Variants in DNAH8 observed in about 807,000 individuals in gnomAD.
DNAH8 encodes the protein axonemal beta dynein heavy chain 8.
DNAH8 carries 382 observed loss-of-function variants against 562.1 expected under a neutral mutation model. That is an observed-to-expected ratio of 0.68 (90% CI 0.63 to 0.74). The LOEUF is 0.74. Among genes scored for constraint, DNAH8 ranks in the 30% least tolerant of loss-of-function variants. The probability of loss-of-function intolerance (pLI) is 0.00; values close to 1 mark genes in which losing one functional copy is unlikely to be tolerated. For missense variants in DNAH8, 5,203 were observed against 5,620.4 expected, an observed-to-expected ratio of 0.93 and a Z score of 2.37; for synonymous variants, 1,881 against 1,919.4, an observed-to-expected ratio of 0.98 and a Z score of 0.52.
chr6:38,908,419 T>G (rs1447905424), intron 64 of DNAH8, among the ~76,000 whole-genome samples: 2 of 152,236 alleles, frequency 1.3e-5, no homozygotes, highest in South Asian at 2.1e-4. Flanking sequence ...CCACCTCCCA[T>G]GTAGACATAT....
intron 53 of DNAH8, among the ~76,000 whole-genome samples, chr6:38,880,926 G>A (rs1457041091): frequency 6.6e-6 from 1 of 152,162 alleles, no homozygotes; most frequent in African/African-American, 2.4e-5. Flanking sequence ...TACTCAGGAG[G>A]CTGAGGCAGG....
At chr6:38,948,269 TCTG>T (rs1402312674) in intron 80 of DNAH8, among the ~76,000 whole-genome samples, 1 of 152,212 alleles carries the variant, frequency 6.6e-6, no homozygotes, top group African/African-American at 2.4e-5. Context: ...GCATAGGGCA[TCTG>T]CTATGTGAGC....
At chr6:38,984,496 A>ACAC in intron 87 of DNAH8, 189 bp downstream of exon 87, 8 of 548,284 alleles carry the variant, frequency 1.5e-5, no homozygotes, top group East Asian at 6.4e-5. Flanking sequence ...ACACACACAC[A>ACAC]ACAACCAGCA....
At chr6:38,907,008 A>G (rs1244315248) in intron 63 of DNAH8, among the ~76,000 whole-genome samples, 1 of 152,202 alleles carries the variant, frequency 6.6e-6, no homozygotes, top group Non-Finnish European at 1.5e-5. Context: ...GTGAAATGCA[A>G]ACATTCCAAA....
At chr6:38,930,452 A>T (rs1782469508) in intron 75 of DNAH8, among the ~76,000 whole-genome samples, 1 of 152,190 alleles carries the variant, frequency 6.6e-6, no homozygotes, top group East Asian at 1.9e-4. Context: ...AATTTTCTTC[A>T]TAATGTGAAA....
intron 26 of DNAH8, among the ~76,000 whole-genome samples, chr6:38,821,327 T>A (rs984525): frequency 0.49 from 75,116 of 152,002 alleles, 19,548 homozygotes; most frequent in East Asian, 0.7. Flanking sequence ...TGAAAGTTAT[T>A]CTATGAAGAG....
chr6:38,722,921 A>G lies in DNAH8; in HGVS notation c.112A>G (p.Thr38Ala), dbSNP rs778551218. The change falls in exon 2 of 93, where the codon ACA (threonine) becomes GCA (alanine). Residue 38 changes from threonine to alanine, a missense_variant. This residue lies in a region of DNAH8 where 556 missense variants were observed against 496.9 expected (regional missense o/e 1.12). Coordinates refer to ENST00000327475, the MANE Select transcript of DNAH8 (RefSeq NM_001206927.2). ...SEEEEAPRPP[T>A]VEAPAEDGFS... ...AGAGGAAGAGGCCCCGCGCCCTCCG[A>G]CAGTGGAGGCCCCGGCAGAAGATGG... 1.9e-6 allele frequency: 3 copies of G among 1,612,466 alleles called. No individual in the cohort carries two copies. Among genetic ancestry groups the G allele is most frequent in the Non-Finnish European group, 2.5e-6 (3 of 1,179,636 alleles).
chr6:38,771,556 C>G (rs570236659), intron 12 of DNAH8, among the ~76,000 whole-genome samples: 98 of 152,268 alleles, frequency 6.4e-4, no homozygotes, highest in African/African-American at 2.2e-3. Context: ...CCATTCTCTC[C>G]TCTCCCCAGT....
At chr6:38,999,934 A>AAAC (rs1765375173) in intron 88 of DNAH8, among the ~76,000 whole-genome samples, 32 of 146,778 alleles carry the variant, frequency 2.2e-4, no homozygotes, top group African/African-American at 7.9e-4. Flanking sequence ...CACACACACA[A>AAAC]ACACACACAC....
At chr6:38,976,503 T>C (rs1245655851) in intron 85 of DNAH8, among the ~76,000 whole-genome samples, 2 of 152,200 alleles carry the variant, frequency 1.3e-5, no homozygotes, top group African/African-American at 2.4e-5. Context: ...TAGGGACAGC[T>C]TGATAGAAAA....
At chr6:38,737,998 T>C in intron 7 of DNAH8, 26 bp downstream of exon 7, 1 of 1,604,520 alleles carries the variant, frequency 6.2e-7, no homozygotes, top group Non-Finnish European at 8.5e-7. Flanking sequence ...CAATTGCATC[T>C]GGACTAGTAG....
chr6:38,976,371 A>G (rs1023255930), intron 85 of DNAH8, among the ~76,000 whole-genome samples: 1 of 152,182 alleles, frequency 6.6e-6, no homozygotes, highest in African/African-American at 2.4e-5. Context: ...TTTTTCATCA[A>G]TTTCAGAAGT....
Position 38,935,683 on chromosome 6 carries a change from T to A in DNAH8, c.11549T>A (p.Leu3850Ter). The A allele has an allele frequency of 6.2e-7, 1 of 1,606,900 alleles. No homozygotes were observed. The highest frequency in any genetic ancestry group is 8.5e-7 in the Non-Finnish European group (1 of 1,175,438). Residue 3850 changes from leucine to a stop codon, truncating the protein, a stop_gained, in exon 77 of 93, where the codon TTA (leucine) becomes TAA (stop). Transcript: ENST00000327475. LOFTEE classifies it high-confidence loss of function. ...CTTGAAGATAACCTCCTCTATAAAT[T>A]AAGTGCTACAAAAGGTATTGTGTTA... Reference protein sequence around the residue: ...KELEDNLLYKLSATKGSLVDD... With the variant: ...KELEDNLLYK
At chr6:38,932,015 A>C in intron 76 of DNAH8, 22 bp downstream of exon 76, 1 of 1,484,356 alleles carries the variant, frequency 6.7e-7, no homozygotes, top group Non-Finnish European at 9.0e-7. Context: ...CTCAAGGTAA[A>C]GAATTTCTGC....
chr6:38,812,483 G>T (rs558364526), intron 24 of DNAH8, among the ~76,000 whole-genome samples: 4 of 152,274 alleles, frequency 2.6e-5, no homozygotes, highest in Admixed American at 6.5e-5. Context: ...ACACACGAAC[G>T]CTAGCTTGGT....
intron 85 of DNAH8, among the ~76,000 whole-genome samples, chr6:38,981,391 A>G (rs932151363): frequency 6.6e-6 from 1 of 152,152 alleles, no homozygotes; most frequent in African/African-American, 2.4e-5. Flanking sequence ...CAATTGAATC[A>G]TTTGCTCTGA....
intron 21 of DNAH8, among the ~76,000 whole-genome samples, chr6:38,802,023 C>T (rs181501739): frequency 6.6e-6 from 1 of 151,958 alleles, no homozygotes; most frequent in Non-Finnish European, 1.5e-5. Context: ...ACTGCTGCCT[C>T]CTGGGCTCAA....
At chr6:38,800,751 G>A (rs2395707) in intron 21 of DNAH8, among the ~76,000 whole-genome samples, 51,231 of 151,942 alleles carry the variant, frequency 0.34, 9,306 homozygotes, top group Admixed American at 0.41. Flanking sequence ...CCCTGACCTC[G>A]AATGATCTGC....
chr6:38,742,224 A>G (rs940200100), intron 8 of DNAH8, among the ~76,000 whole-genome samples: 3 of 152,200 alleles, frequency 2.0e-5, no homozygotes, highest in Non-Finnish European at 4.4e-5. Flanking sequence ...AAAGTAAAGT[A>G]CATCTCATCC....
Sources: gnomAD v4.1 joint callset for allele counts (sites outside exome capture counted in the v4.1 genomes callset) on GRCh38, gnomAD v4.1.1 for gene constraint, gnomAD v4.1.1 regional missense constraint, MANE v1.5 for transcripts, NCBI Gene and HGNC (gene_info 2026-07-23, HGNC 2026-07-21) for gene names.